Variants in SLCO3A1 observed in about 807,000 individuals in gnomAD.
SLCO3A1 encodes the protein solute carrier organic anion transporter family member 3A1.
In SLCO3A1, 27 loss-of-function variants were observed where a neutral mutation model predicts 63.1. That is an observed-to-expected ratio of 0.43 (90% CI 0.32 to 0.59). The LOEUF is 0.59. Ranked by LOEUF, SLCO3A1 falls within the 20% of genes least tolerant of loss-of-function variation. The pLI is 0.09. For synonymous variants in SLCO3A1, 473 were observed against 409.9 expected (o/e 1.15, Z -1.86); for missense variants, 773 against 945.8 (o/e 0.82, Z 2.40).
At chr15:91,952,478 A>G (rs1025674989) in intron 2 of SLCO3A1, among the ~76,000 whole-genome samples, 3 of 152,228 alleles carry the variant, frequency 2.0e-5, no homozygotes, top group African/African-American at 7.2e-5. Context: ...GAGTAAATAA[A>G]TGAATGTTTC....
chr15:92,166,686 A>G (rs536435863), downstream of SLCO3A1, among the ~76,000 whole-genome samples: 1 of 152,330 alleles, frequency 6.6e-6, no homozygotes, highest in South Asian at 2.1e-4. Flanking sequence ...CCCAGGAAAA[A>G]GATTCTCCTG....
At chr15:91,909,817 G>A (rs1301106573) in intron 1 of SLCO3A1, among the ~76,000 whole-genome samples, 3 of 152,276 alleles carry the variant, frequency 2.0e-5, no homozygotes, top group South Asian at 2.1e-4. Flanking sequence ...ATCAGCTGCT[G>A]CCTCTGTTGA....
intron 2 of SLCO3A1, among the ~76,000 whole-genome samples, chr15:92,054,413 G>C (rs2046997724): frequency 6.6e-6 from 1 of 152,150 alleles, no homozygotes; most frequent in South Asian, 2.1e-4. Flanking sequence ...ATGATCCCAA[G>C]TCTTTTTTCA....
intron 2 of SLCO3A1, among the ~76,000 whole-genome samples, chr15:91,962,219 C>A (rs1900474821): frequency 6.6e-6 from 1 of 152,142 alleles, no homozygotes; most frequent in South Asian, 2.1e-4. Flanking sequence ...GTGGCTCACA[C>A]CTGTAATCCC....
intron 5 of SLCO3A1, among the ~76,000 whole-genome samples, chr15:92,121,306 A>G (rs1036824578): frequency 6.6e-6 from 1 of 152,224 alleles, no homozygotes; most frequent in Non-Finnish European, 1.5e-5. Context: ...AATGACAGGA[A>G]GCTGCATTTG....
chr15:91,884,486 T>C (rs931093295), intron 1 of SLCO3A1, among the ~76,000 whole-genome samples: 6 of 130,706 alleles, frequency 4.6e-5, no homozygotes, highest in African/African-American at 1.7e-4. Flanking sequence ...CGCTCCACCC[T>C]GGGCAACAGA....
Position 92,163,242 on chromosome 15 carries a change from GGCACAGATGCACACACAC to G in SLCO3A1, c.*111_*128del. 1.4e-6 allele frequency: 2 copies of G among 1,422,030 alleles called. No individual in the cohort carries two copies. The highest frequency in any genetic ancestry group is 3.5e-5 in the South Asian group (2 of 57,028). The allele number at this position is 1,422,030 out of a possible 1,614,324, so 88.1% of individuals were successfully genotyped here. A position where few individuals can be genotyped will look rare whatever the true frequency, so the allele number is the denominator to read the frequency against. On this transcript the variant is annotated 3_prime_UTR_variant, in exon 10 of 10. Transcript: ENST00000318445. ...AACCAAAACTCAGTACACACACACAGGCACAGATGCACACACACGCAGACAGACACACCGACTTTGTCC... is the reference window on the plus strand; with the variant it reads ...AACCAAAACTCAGTACACACACACAGGCAGACAGACACACCGACTTTGTCC...
intron 2 of SLCO3A1, among the ~76,000 whole-genome samples, chr15:91,972,773 G>C (rs62009549): frequency 6.6e-6 from 1 of 151,910 alleles, no homozygotes; most frequent in East Asian, 1.9e-4. Flanking sequence ...GTGCTGCCTC[G>C]GTCCTCCAGG....
intron 2 of SLCO3A1, among the ~76,000 whole-genome samples, chr15:91,991,385 T>C (rs1251611676): frequency 6.6e-6 from 1 of 152,190 alleles, no homozygotes; most frequent in Non-Finnish European, 1.5e-5. Context: ...CCCAATTTTA[T>C]ATGTGTTAAC....
At chr15:91,992,117 C>CA (rs78965082) in intron 2 of SLCO3A1, among the ~76,000 whole-genome samples, 21,437 of 152,182 alleles carry the variant, frequency 0.14, 1,654 homozygotes, top group East Asian at 0.27. Flanking sequence ...ATCCATACTT[C>CA]AAGGTTAGCT....
chr15:91,900,000 A>G (rs73549443), intron 1 of SLCO3A1, among the ~76,000 whole-genome samples: 1 of 152,198 alleles, frequency 6.6e-6, no homozygotes, highest in Admixed American at 6.5e-5. Context: ...TACTGTATTT[A>G]TCAGATTGTG....
In SLCO3A1 at chr15:92,056,203, C is replaced by T. The variant is rs910841964; in HGVS notation, c.647-38678C>T. Among the ~76,000 whole-genome samples the T allele has an allele frequency of 5.3e-5, 8 of 152,064 alleles. No homozygotes were observed. In the South Asian group the frequency reaches 1.2e-3, roughly 24 times the overall value. The stretch of plus-strand genomic sequence containing the variant: ...CTTTATTTCCAGGTTCCGGTTCCTT[C>T]GTAACCACATTTGTTCAGCCTTTGG... On this transcript the variant is annotated intron_variant, in intron 2 of 9. Coordinates refer to ENST00000318445, the MANE Select transcript of SLCO3A1 (RefSeq NM_013272.4).
intron 2 of SLCO3A1, among the ~76,000 whole-genome samples, chr15:92,080,738 G>C (rs1473805544): frequency 6.6e-6 from 1 of 152,180 alleles, no homozygotes; most frequent in African/African-American, 2.4e-5. Context: ...GTGCTGCTTT[G>C]GCTGGCTTTA....
rs920986431 is a variant in SLCO3A1 at position 91,968,715 on chromosome 15, C to T, written c.646+52257C>T. 2.0e-5 allele frequency among the ~76,000 whole-genome samples: 3 copies of T among 152,356 alleles called. No homozygotes were observed. The highest frequency in any genetic ancestry group is 1.9e-4 in the East Asian group (1 of 5,178). The stretch of plus-strand genomic sequence containing the variant: ...CAGACCCGCAAGCACAGCCTTCGCA[C>T]GTGTGCTCACACAGCCGCAGTATTT... On this transcript the variant is annotated intron_variant, in intron 2 of 9. Transcript: ENST00000318445. This position sits in a 1 kb window ranked among gnomAD's most constrained non-coding sequence, Gnocchi z 4.2.
chr15:92,009,135 G>A (rs1203515477), intron 2 of SLCO3A1, among the ~76,000 whole-genome samples: 1 of 152,124 alleles, frequency 6.6e-6, no homozygotes, highest in Non-Finnish European at 1.5e-5. Context: ...CAAGGTCAAG[G>A]GCTGCATGCT....
In SLCO3A1 at chr15:91,860,137, A is replaced by G. The variant is rs1436647931; in HGVS notation, c.180+6049A>G. Among the ~76,000 whole-genome samples the G allele has an allele frequency of 6.6e-6, 1 of 152,192 alleles. No individual in the cohort carries two copies. The highest frequency in any genetic ancestry group is 2.4e-5 in the African/African-American group (1 of 41,454). On this transcript the variant is annotated intron_variant, in intron 1 of 9. Transcript: ENST00000318445. This position sits in a 1 kb window ranked among gnomAD's most constrained non-coding sequence, Gnocchi z 5.5. ...AGTCCATGGGTACTTGAAGGAGGTT[A>G]AAGCAGGGCAGGCAGGACTGGCTGG...
At chr15:92,141,498 T>C (rs2048131445) in intron 7 of SLCO3A1, among the ~76,000 whole-genome samples, 1 of 152,166 alleles carries the variant, frequency 6.6e-6, no homozygotes, top group Non-Finnish European at 1.5e-5. Flanking sequence ...CCAGCCTTTA[T>C]CATCCCCTTA....
chr15:92,097,365 T>G (rs1225823146), intron 3 of SLCO3A1, among the ~76,000 whole-genome samples: 2 of 152,226 alleles, frequency 1.3e-5, no homozygotes, highest in African/African-American at 4.8e-5. Flanking sequence ...ACAGCACCTT[T>G]TCTCAGTGCC....
At chr15:91,958,469 G>C (rs537966526) in intron 2 of SLCO3A1, among the ~76,000 whole-genome samples, 1 of 152,298 alleles carries the variant, frequency 6.6e-6, no homozygotes, top group East Asian at 1.9e-4. Context: ...TTCCCAGTCG[G>C]GTAATGCTGG....
Sources: gnomAD v4.1 joint callset for allele counts (sites outside exome capture counted in the v4.1 genomes callset) on GRCh38, gnomAD v4.1.1 for gene constraint, Gnocchi (gnomAD v3.1) non-coding constraint, MANE v1.5 for transcripts, NCBI Gene and HGNC (gene_info 2026-07-23, HGNC 2026-07-21) for gene names.